The following DCBLD2 variants were observed in gnomAD, a reference collection of about 807,000 sequenced individuals.
The protein encoded by DCBLD2 is discoidin, CUB and LCCL domain containing 2.
In DCBLD2, 54 loss-of-function variants were observed where a neutral mutation model predicts 86.8. The observed-to-expected ratio is 0.62, with a 90% CI of 0.50 to 0.78. The LOEUF is 0.78. DCBLD2 is among the 30% of genes least tolerant of loss of function. The probability of loss-of-function intolerance (pLI) is 0.00; values close to 1 mark genes in which losing one functional copy is unlikely to be tolerated. For synonymous variants in DCBLD2, 354 were observed against 341.3 expected (o/e 1.04, Z -0.41); for missense variants, 908 against 954.2 (o/e 0.95, Z 0.64).
At chr3:98,813,002 C>G (rs190960847) in intron 9 of DCBLD2, 1 of 152,354 alleles carries the variant, frequency 6.6e-6, no homozygotes, top group Admixed American at 6.5e-5. Context: ...ACTGGATAAA[C>G]TGCATAAAGA....
intron 2 of DCBLD2, among the ~76,000 whole-genome samples, chr3:98,854,100 AG>A (rs1444065629): frequency 6.6e-6 from 1 of 152,230 alleles, no homozygotes; most frequent in African/African-American, 2.4e-5. Flanking sequence ...TAAGCCAGGC[AG>A]GAACTGGGGA....
At chr3:98,816,509 G>A (rs1195425742) in intron 9 of DCBLD2, among the ~76,000 whole-genome samples, 1 of 152,116 alleles carries the variant, frequency 6.6e-6, no homozygotes, top group African/African-American at 2.4e-5. Flanking sequence ...AGATATGTAT[G>A]GAGACAGTAT....
At chr3:98,808,209 G>A in intron 12 of DCBLD2, 35 bp from the exon 13 acceptor site, 1 of 1,542,550 alleles carries the variant, frequency 6.5e-7, no homozygotes, top group Admixed American at 2.1e-5. Flanking sequence ...ACAAACAAAA[G>A]CCATATTAAC....
chr3:98,800,446 G>A, intron 15 of DCBLD2, 133 bp downstream of exon 15: 3 of 941,790 alleles, frequency 3.2e-6, no homozygotes, highest in Non-Finnish European at 4.7e-6. Flanking sequence ...TTAAAAAAGT[G>A]GTTCTACCTT....
At chr3:98,838,152 C>A in intron 3 of DCBLD2, among the ~76,000 whole-genome samples, 1 of 128,208 alleles carries the variant, frequency 7.8e-6, no homozygotes, top group Non-Finnish European at 1.7e-5. Flanking sequence ...GGCTGACCCC[C>A]CCCACCTCCC....
chr3:98,898,899 GTAA>G (rs1559804427), intron 1 of DCBLD2, among the ~76,000 whole-genome samples: 3 of 152,254 alleles, frequency 2.0e-5, no homozygotes, highest in African/African-American at 7.2e-5. Context: ...ATCGAGATTA[GTAA>G]TAATCATTTA....
intron 2 of DCBLD2, among the ~76,000 whole-genome samples, chr3:98,858,118 G>A (rs2470865): frequency 0.43 from 65,223 of 152,156 alleles, 14,158 homozygotes; most frequent in Non-Finnish European, 0.45. Flanking sequence ...CCTGCCCCAC[G>A]GGGAGGCAGC....
chr3:98,827,330 T>C (rs762795660), intron 3 of DCBLD2, among the ~76,000 whole-genome samples: 7 of 152,216 alleles, frequency 4.6e-5, no homozygotes, highest in Non-Finnish European at 8.8e-5. Flanking sequence ...CTTCTAAGAT[T>C]AGAAGTTGAA....
chr3:98,893,655 A>G (rs1030461743), intron 1 of DCBLD2, among the ~76,000 whole-genome samples: 14 of 152,188 alleles, frequency 9.2e-5, no homozygotes, highest in African/African-American at 2.9e-4. Flanking sequence ...GATACAAGGT[A>G]CCACAAAGCA....
chr3:98,870,737 A>AAAAGAAAGAAAGAAAGAAAGAAAG (rs199615171), intron 2 of DCBLD2, among the ~76,000 whole-genome samples: 10 of 69,794 alleles, frequency 1.4e-4, no homozygotes, highest in East Asian at 3.3e-4. Context: ...AAAAGAAAGA[A>AAAAGAAAGAAAGAAAGAAAGAAAG]AAAGAAAGAA....
At chr3:98,822,626 A>G in intron 5 of DCBLD2, 43 bp downstream of exon 5, 3 of 1,507,194 alleles carry the variant, frequency 2.0e-6, no homozygotes, top group Non-Finnish European at 2.7e-6. Context: ...CTAAAAAAAT[A>G]GAGTTATATC....
chr3:98,873,180 A>G (rs2107514496), intron 2 of DCBLD2, among the ~76,000 whole-genome samples: 1 of 152,294 alleles, frequency 6.6e-6, no homozygotes, highest in East Asian at 1.9e-4. Context: ...TATTAGAATT[A>G]TGAATATCTA....
intron 3 of DCBLD2, among the ~76,000 whole-genome samples, chr3:98,829,298 C>T (rs1051806193): frequency 1.3e-5 from 2 of 151,948 alleles, no homozygotes; most frequent in Admixed American, 6.6e-5. Flanking sequence ...TTCCTTTTAA[C>T]TTTATTTTAG....
chr3:98,859,356 C>T (rs1416746834), intron 2 of DCBLD2, among the ~76,000 whole-genome samples: 1 of 152,220 alleles, frequency 6.6e-6, no homozygotes, highest in Non-Finnish European at 1.5e-5. Context: ...ATGTCCCTGT[C>T]TGACAGCTTT....
At chr3:98,872,637 T>C (rs1370815043) in intron 2 of DCBLD2, among the ~76,000 whole-genome samples, 10 of 151,676 alleles carry the variant, frequency 6.6e-5, no homozygotes, top group African/African-American at 2.2e-4. Context: ...AGGTAGAAAA[T>C]AAAGAATACC....
rs145243382 is a variant in DCBLD2, at chr3:98,827,633, G to T, written c.572-2267C>A. 3.5e-3 allele frequency among the ~76,000 whole-genome samples: 527 copies of T among 152,294 alleles called. 3 individuals carry two copies. Among genetic ancestry groups the T allele is most frequent in the Middle Eastern group, 0.01 (3 of 294 alleles). ...TTCAAAATGGACAGCTACAAGGAGA[G>T]CCAAGAAGACTGAAGATAAAGAAAG... On this transcript the variant is annotated intron_variant, in intron 3 of 15. Coordinates refer to ENST00000326840, the MANE Select transcript of DCBLD2 (RefSeq NM_080927.4).
At chr3:98,894,362 C>A (rs959050191) in intron 1 of DCBLD2, among the ~76,000 whole-genome samples, 25 of 152,120 alleles carry the variant, frequency 1.6e-4, no homozygotes, top group African/African-American at 5.6e-4. Context: ...ACTACGAGAA[C>A]AAAAACTAGG....
chr3:98,800,927 T>C (rs1941707288), intron 14 of DCBLD2, among the ~76,000 whole-genome samples: 1 of 150,976 alleles, frequency 6.6e-6, no homozygotes, highest in African/African-American at 2.4e-5. Context: ...ATCAAACACA[T>C]GCAGGCAAAT....
At chr3:98,867,196 T>C (rs1943164662) in intron 2 of DCBLD2, among the ~76,000 whole-genome samples, 1 of 152,248 alleles carries the variant, frequency 6.6e-6, no homozygotes, top group Non-Finnish European at 1.5e-5. Flanking sequence ...GCCAGCTCTT[T>C]TTTGGTTCCA....
Sources: gnomAD v4.1 joint callset for allele counts (sites outside exome capture counted in the v4.1 genomes callset) on GRCh38, gnomAD v4.1.1 for gene constraint, MANE v1.5 for transcripts, NCBI Gene and HGNC (gene_info 2026-07-23, HGNC 2026-07-21) for gene names.